PIK3R6: variants seen among roughly 807,000 people sequenced by gnomAD.
The protein encoded by PIK3R6 is phosphoinositide-3-kinase regulatory subunit 6, also known as phosphoinositide 3-kinase regulatory subunit 6.
Under a neutral mutation model 84.9 loss-of-function variants are expected in PIK3R6, and 91 were observed. The ratio of observed to expected loss-of-function variants is 1.07; its 90% CI spans 0.90 to 1.28. The LOEUF (loss-of-function observed/expected upper bound fraction) is 1.28, where lower values mean the gene tolerates loss of function less well. PIK3R6 is among the 50% of genes most tolerant of loss of function. The pLI, the probability that PIK3R6 is intolerant of heterozygous loss-of-function variation, is 0.00. For missense variants in PIK3R6, 996 were observed against 985.1 expected, an observed-to-expected ratio of 1.01 and a Z score of -0.15; for synonymous variants, 416 against 411.4, an observed-to-expected ratio of 1.01 and a Z score of -0.13.
intron 18 of PIK3R6, among the ~76,000 whole-genome samples, chr17:8,814,208 G>C (rs2087451787): frequency 8.4e-6 from 1 of 119,154 alleles, no homozygotes; most frequent in Non-Finnish European, 1.6e-5. Flanking sequence ...TTAGTTCAGA[G>C]AGAGATCTTT....
chr17:8,802,913 C>A lies in PIK3R6; in HGVS notation c.*360G>T. On this transcript the variant is annotated 3_prime_UTR_variant, in exon 20 of 20. Transcript: ENST00000619866. ...TTTCCCCTAGGCCACAGGGCTCTGG[C>A]CAAGACAGCAGCTTTAACCCTGGTT... 4.3e-6 allele frequency: 1 copy of A among 233,452 alleles called. No individual in the cohort carries two copies. Among genetic ancestry groups the A allele is most frequent in the Non-Finnish European group, 8.5e-6 (1 of 117,678 alleles). The allele number at this position is 233,452 out of a possible 1,614,324, so 14.5% of individuals were successfully genotyped here. A position where few individuals can be genotyped will look rare whatever the true frequency, so the allele number is the denominator to read the frequency against.
chr17:8,833,654 G>A (rs2088341306), intron 8 of PIK3R6, among the ~76,000 whole-genome samples: 1 of 149,634 alleles, frequency 6.7e-6, no homozygotes, highest in Non-Finnish European at 1.5e-5. Flanking sequence ...CGATTCTCCT[G>A]CCTCAGCCTC....
At chr17:8,821,730 T>C (rs2087738599) in intron 17 of PIK3R6, 116 bp downstream of exon 17, 1 of 1,147,434 alleles carries the variant, frequency 8.7e-7, no homozygotes, top group South Asian at 1.5e-5. Flanking sequence ...GTCCTGGTCC[T>C]GGCTCCAGTT....
chr17:8,815,507 A>G (rs1228675126), intron 18 of PIK3R6, among the ~76,000 whole-genome samples: 1 of 140,594 alleles, frequency 7.1e-6, no homozygotes, highest in East Asian at 2.0e-4. Context: ...TCAGTCTCAG[A>G]AAAAAAAAAA....
In PIK3R6 at chr17:8,806,832, T is replaced by C. The variant is rs1456767762; in HGVS notation, c.1996-2679A>G. Among the ~76,000 whole-genome samples the C allele has an allele frequency of 2.0e-5, 3 of 152,244 alleles. No homozygotes were observed. In the East Asian group the frequency reaches 5.8e-4, roughly 29 times the overall value. On this transcript the variant is annotated intron_variant, in intron 18 of 19. Coordinates refer to ENST00000619866, the MANE Select transcript of PIK3R6 (RefSeq NM_001010855.4). Reference sequence around the variant, plus strand: ...CTTGCCCCCATGCCATTCTTCAAGCTGTCTCTGCCTTCTTACTCCAGCTCA... The same window carrying C: ...CTTGCCCCCATGCCATTCTTCAAGCCGTCTCTGCCTTCTTACTCCAGCTCA...
intron 13 of PIK3R6, 54 bp from the exon 14 acceptor site, chr17:8,823,551 G>A: frequency 7.9e-7 from 1 of 1,265,834 alleles, no homozygotes; most frequent in Non-Finnish European, 1.1e-6. Flanking sequence ...CACTGTGGGA[G>A]ATGCCATTTT....
At chr17:8,823,780 C>G (rs2087824190) in intron 13 of PIK3R6, among the ~76,000 whole-genome samples, 1 of 152,170 alleles carries the variant, frequency 6.6e-6, no homozygotes, top group Non-Finnish European at 1.5e-5. Flanking sequence ...TTGAGGGAGA[C>G]AAGATGCTGG....
rs1555541294 is a variant in PIK3R6 at position 8,861,196 on chromosome 17, A to AG, written c.-92+6332_-92+6333insC. ...GACTCTGTCTCAAAAAAAAAAAAAA[A>AG]AAAGAAAGAAAGAAAGCAGACGTGT... On this transcript the variant is annotated intron_variant, in intron 1 of 19. Transcript: ENST00000619866. Among the ~76,000 whole-genome samples the AG allele has an allele frequency of 6.0e-5, 9 of 151,250 alleles. No homozygotes were observed. The South Asian group carries it at 6.2e-4, about 10-fold the overall frequency.
intron 12 of PIK3R6, 132 bp from the exon 13 acceptor site, chr17:8,827,426 G>T: frequency 9.1e-7 from 1 of 1,099,730 alleles, no homozygotes; most frequent in Non-Finnish European, 1.3e-6. Flanking sequence ...TGCATGTGAA[G>T]ACACGTCGTT....
chr17:8,829,547 G>GAC (rs995750514), intron 10 of PIK3R6, among the ~76,000 whole-genome samples, 159 bp downstream of exon 10: 1 of 119,996 alleles, frequency 8.3e-6, no homozygotes, highest in African/African-American at 3.3e-5. Context: ...CATGCACACA[G>GAC]ACACACACTC....
chr17:8,840,821 TG>T (rs1555536550), intron 2 of PIK3R6, among the ~76,000 whole-genome samples: 2 of 151,680 alleles, frequency 1.3e-5, no homozygotes, highest in Non-Finnish European at 2.9e-5. Flanking sequence ...GGCGCAATCT[TG>T]GCTCACTGCA....
chr17:8,808,975 A>G (rs550942855), intron 18 of PIK3R6, among the ~76,000 whole-genome samples: 91 of 152,346 alleles, frequency 6.0e-4, no homozygotes, highest in Non-Finnish European at 1.2e-3. Context: ...GGAATATAAA[A>G]CTGGGGAAAA....
intron 1 of PIK3R6, among the ~76,000 whole-genome samples, chr17:8,863,543 G>GT (rs891016297): frequency 8.0e-5 from 12 of 150,330 alleles, no homozygotes; most frequent in African/African-American, 2.0e-4. Context: ...GTGTGTGTGT[G>GT]TTTTTTTTTG....
chr17:8,812,136 A>T (rs138681074), intron 18 of PIK3R6, among the ~76,000 whole-genome samples: 340 of 152,252 alleles, frequency 2.2e-3, no homozygotes, highest in Admixed American at 8.5e-3. Flanking sequence ...TTCTTATACC[A>T]CCATCAGATC....
At position 8,829,192 on chromosome 17, in the gene PIK3R6, T is replaced by TACAGAC. The variant is rs3216920; in HGVS notation, c.890-203_890-202insGTCTGT. ...ACACATGTACAGACACAGACAGACA[T>TACAGAC]ACACACACGTGCACACACACAGACA... is the stretch of plus-strand genomic sequence containing the variant. On this transcript the variant is annotated intron_variant, in intron 10 of 19. Coordinates refer to ENST00000619866, the MANE Select transcript of PIK3R6 (RefSeq NM_001010855.4). 9.8e-3 allele frequency among the ~76,000 whole-genome samples: 1,429 copies of TACAGAC among 146,432 alleles called. 26 individuals are homozygous for TACAGAC. The highest frequency in any genetic ancestry group is 0.035 in the African/African-American group (1,330 of 37,720).
chr17:8,837,887 T>A lies in PIK3R6; in HGVS notation c.190-16A>T. ...GGCTTTCCGCCTGGAAAACAGGAGA[T>A]CACGTGACAGGTATTGGGCTGGGGG... is the stretch of plus-strand genomic sequence containing the variant. On this transcript the variant is annotated splice_polypyrimidine_tract_variant and intron_variant, in intron 4 of 19. Coordinates refer to ENST00000619866, the MANE Select transcript of PIK3R6 (RefSeq NM_001010855.4). 3.1e-6 allele frequency: 5 copies of A among 1,610,204 alleles called. No individual in the cohort carries two copies. Among genetic ancestry groups the A allele is most frequent in the South Asian group, 1.1e-5 (1 of 91,030 alleles).
chr17:8,860,641 A>G (rs948423131), intron 1 of PIK3R6, among the ~76,000 whole-genome samples: 6 of 152,114 alleles, frequency 3.9e-5, no homozygotes, highest in Admixed American at 3.9e-4. Context: ...TAAAAGTCAT[A>G]TTTCATATAA....
chr17:8,804,315 C>T (rs2087135592), intron 18 of PIK3R6, among the ~76,000 whole-genome samples, 162 bp from the exon 19 acceptor site: 2 of 152,206 alleles, frequency 1.3e-5, no homozygotes, highest in South Asian at 4.1e-4. Flanking sequence ...GCACAAACTG[C>T]TTCTAGGCTG....
chr17:8,822,669 T>G lies in PIK3R6; in HGVS notation c.1718-12A>C. 6.2e-7 allele frequency: 1 copy of G among 1,613,634 alleles called. No homozygotes were observed. The highest frequency in any genetic ancestry group is 8.5e-7 in the Non-Finnish European group (1 of 1,179,720). ...GGGTGAAAAGCCATCTGTGGGGAGA[T>G]GAGAAGAGGCTTGGGGTGGAGGTTC... is the stretch of plus-strand genomic sequence containing the variant. On this transcript the variant is annotated splice_polypyrimidine_tract_variant and intron_variant, in intron 15 of 19. Transcript: ENST00000619866.
Sources: allele counts gnomAD v4.1 joint callset (sites outside exome capture counted in the v4.1 genomes callset), GRCh38; gene constraint gnomAD v4.1.1; transcripts MANE v1.5; gene names NCBI Gene and HGNC (gene_info 2026-07-23, HGNC 2026-07-21).